PIK3CG: variants seen among roughly 807,000 people sequenced by gnomAD.
PIK3CG encodes phosphatidylinositol-4,5-bisphosphate 3-kinase catalytic subunit gamma.
PIK3CG carries 55 observed loss-of-function variants against 102.3 expected under a neutral mutation model. The ratio of observed to expected loss-of-function variants is 0.54; its 90% CI spans 0.43 to 0.67. The LOEUF is 0.67. Ranked by LOEUF, PIK3CG falls within the 30% of genes least tolerant of loss-of-function variation. The pLI is 0.00. For missense variants in PIK3CG, 1,258 were observed against 1,391.8 expected (o/e 0.90, Z 1.53); for synonymous variants, 552 against 540.0 (o/e 1.02, Z -0.31).
chr7:106,905,461 T>A lies in PIK3CG; in HGVS notation c.*74T>A, dbSNP rs2116620898. On this transcript the variant is annotated 3_prime_UTR_variant, in exon 11 of 11. Transcript: ENST00000496166. This position sits in a 1 kb window ranked among gnomAD's most constrained non-coding sequence, Gnocchi z 5.6. ...AGCATAGCAATCATCGAACTTGGATTTCAAATGCAATAGACATTGTGAAAG... is the reference window on the plus strand; with the variant it reads ...AGCATAGCAATCATCGAACTTGGATATCAAATGCAATAGACATTGTGAAAG... 7.3e-7 allele frequency: 1 copy of A among 1,378,912 alleles called. No homozygotes were observed. The highest frequency in any genetic ancestry group is 1.0e-6 in the Non-Finnish European group (1 of 999,156). The allele number at this position is 1,378,912 out of a possible 1,614,324, so 85.4% of individuals were successfully genotyped here.
chr7:106,885,219 G>A (rs960899459), intron 9 of PIK3CG, among the ~76,000 whole-genome samples: 2 of 152,134 alleles, frequency 1.3e-5, no homozygotes, highest in Non-Finnish European at 2.9e-5. Context: ...GGAGGAAGAG[G>A]CAGGAAATGA....
At position 106,906,706 on chromosome 7, in the gene PIK3CG, C is replaced by T. The variant is rs550594419; in HGVS notation, c.*1319C>T. 5 of 225,452 alleles carry T rather than the reference C, an allele frequency of 2.2e-5. No individual in the cohort carries two copies. In the East Asian group the frequency reaches 2.6e-4, roughly 12 times the overall value. 14.0% of individuals were successfully genotyped at this position (225,452 alleles called of 1,614,324 possible). ...ATTTTGTAATTACCTGTAGCTAATA[C>T]ATTACATAGAAAAAAACTATGTTAA... On this transcript the variant is annotated 3_prime_UTR_variant, in exon 11 of 11. Coordinates refer to ENST00000496166, the MANE Select transcript of PIK3CG (RefSeq NM_001282426.2).
At chr7:106,876,728 T>C (rs545336854) in intron 5 of PIK3CG, among the ~76,000 whole-genome samples, 11 of 152,290 alleles carry the variant, frequency 7.2e-5, no homozygotes, top group Non-Finnish European at 1.6e-4. Context: ...GAGTTACTTA[T>C]ATAAACTGGA....
Position 106,879,871 on chromosome 7 carries a change from C to T in PIK3CG, c.2538+206C>T, listed in dbSNP as rs1039884312. ...ATCTAATGAGCATTATGGTTCTGTC[C>T]AAGTTGCATATCTAACACTCCCAAG... On this transcript the variant is annotated intron_variant, in intron 6 of 10. Transcript: ENST00000496166. This position sits in a 1 kb window ranked among gnomAD's most constrained non-coding sequence, Gnocchi z 4.9. 5.3e-5 allele frequency among the ~76,000 whole-genome samples: 8 copies of T among 152,116 alleles called. No homozygotes were observed. The highest frequency in any genetic ancestry group is 1.9e-4 in the African/African-American group (8 of 41,416).
rs2116430439 is a variant in PIK3CG at position 106,868,092 on chromosome 7, C to G, written c.531C>G (p.Arg177=). 6.2e-7 allele frequency: 1 copy of G among 1,612,920 alleles called. No individual in the cohort carries two copies. Among genetic ancestry groups the G allele is most frequent in the South Asian group, 1.1e-5 (1 of 91,054 alleles). ...ACGACGATGAGCTGGAGTTCACGCG[C>G]CGTGGCTTGGTGACCCCGCGCATGG... The part of the protein sequence containing the change: ...NVHDDELEFT[R]RGLVTPRMAE... The change falls in exon 2 of 11, where the codon CGC becomes CGG. Residue 177 remains arginine (R), a synonymous_variant. Coordinates refer to ENST00000496166, the MANE Select transcript of PIK3CG (RefSeq NM_001282426.2). The surrounding 1 kb of genome is among the most constrained non-coding windows in gnomAD (Gnocchi z 6.2).
In PIK3CG at chr7:106,868,112, G is replaced by C. The variant is rs763939338; in HGVS notation, c.551G>C (p.Arg184Pro). The change falls in exon 2 of 11, where the codon CGC (arginine) becomes CCC (proline). Residue 184 changes from arginine (R) to proline (P), a missense_variant. This residue lies in a region of PIK3CG where 832 missense variants were observed against 787.5 expected (regional missense o/e 1.06). Coordinates refer to ENST00000496166, the MANE Select transcript of PIK3CG (RefSeq NM_001282426.2). The surrounding 1 kb of genome is among the most constrained non-coding windows in gnomAD (Gnocchi z 6.2). ...EFTRRGLVTP[R>P]MAEVASRDPK... ...ACGCGCCGTGGCTTGGTGACCCCGC[G>C]CATGGCGGAGGTGGCCAGCCGCGAC... 6.2e-7 allele frequency: 1 copy of C among 1,612,850 alleles called. No individual in the cohort carries two copies. Among genetic ancestry groups the C allele is most frequent in the African/African-American group, 1.3e-5 (1 of 74,914 alleles).
rs2116441682 is a variant in PIK3CG, at chr7:106,868,481, T to C, written c.920T>C (p.Leu307Pro). 1 of 1,613,940 alleles carries C rather than the reference T, an allele frequency of 6.2e-7. No homozygotes were observed. Among genetic ancestry groups the C allele is most frequent in the South Asian group, 1.1e-5 (1 of 91,086 alleles). ...LKNGEEIHVVLDTPPDPALDE... is the reference protein window; with the variant it reads ...LKNGEEIHVVPDTPPDPALDE... ...AACGGAGAAGAGATTCACGTGGTAC[T>C]GGACACGCCTCCAGACCCGGCCCTA... The change falls in exon 2 of 11, where the codon CTG (leucine) becomes CCG (proline). Residue 307 changes from leucine (L) to proline (P), a missense_variant. Coordinates refer to ENST00000496166, the MANE Select transcript of PIK3CG (RefSeq NM_001282426.2). The surrounding 1 kb of genome is among the most constrained non-coding windows in gnomAD (Gnocchi z 6.2).
In PIK3CG at chr7:106,872,995, A is replaced by G. The variant is rs1790591664; in HGVS notation, c.2287+57A>G. On this transcript the variant is annotated intron_variant, in intron 4 of 10. Transcript: ENST00000496166. This position sits in a 1 kb window ranked among gnomAD's most constrained non-coding sequence, Gnocchi z 5.3. The stretch of plus-strand genomic sequence containing the variant: ...CCAAATGCCTTCATCTCCAAATGCC[A>G]TTGTTCCTATAATTCTTTTTCTTCC... The G allele has an allele frequency of 4.2e-6, 5 of 1,204,212 alleles. No homozygotes were observed. The highest frequency in any genetic ancestry group is 2.3e-5 in the East Asian group (1 of 42,882). The allele number at this position is 1,204,212 out of a possible 1,614,324, so 74.6% of individuals were successfully genotyped here.
chr7:106,866,464 A>G (rs1423287579), intron 1 of PIK3CG, among the ~76,000 whole-genome samples: 1 of 152,184 alleles, frequency 6.6e-6, no homozygotes, highest in Non-Finnish European at 1.5e-5. Flanking sequence ...GGTTAATGAG[A>G]ATAAATTTGT....
Position 106,895,075 on chromosome 7 carries a change from A to G in PIK3CG, c.3030+8783A>G, listed in dbSNP as rs1030226958. 1.4e-4 allele frequency among the ~76,000 whole-genome samples: 21 copies of G among 152,240 alleles called. No homozygotes were observed. The highest frequency in any genetic ancestry group is 3.9e-4 in the African/African-American group (16 of 41,466). On this transcript the variant is annotated intron_variant, in intron 10 of 10. Transcript: ENST00000496166. This position sits in a 1 kb window ranked among gnomAD's most constrained non-coding sequence, Gnocchi z 5.4. ...CGTAGGCTCAATCTATTTATTAGCT[A>G]CTAATGGAGAATGTTCTAGCTAATG...
chr7:106,891,818 C>T lies in PIK3CG; in HGVS notation c.3030+5526C>T, dbSNP rs1242588889. On this transcript the variant is annotated intron_variant, in intron 10 of 10. Coordinates refer to ENST00000496166, the MANE Select transcript of PIK3CG (RefSeq NM_001282426.2). This position sits in a 1 kb window ranked among gnomAD's most constrained non-coding sequence, Gnocchi z 4.4. The stretch of plus-strand genomic sequence containing the variant: ...AATCTAGGATGACTGTGGAAATTTT[C>T]TTGCCAGTTTTATCAGGCCCACCCT... Among the ~76,000 whole-genome samples, 2 of 151,906 alleles carry T rather than the reference C, an allele frequency of 1.3e-5. No homozygotes were observed. The highest frequency in any genetic ancestry group is 2.4e-5 in the African/African-American group (1 of 41,358).
At position 106,867,901 on chromosome 7, in the gene PIK3CG, C is replaced by G. The variant is rs2116425133; in HGVS notation, c.340C>G (p.Gln114Glu). ...GQWYEIYDKY[Q>E]VVQTLDCLRY... ...GTGGTACGAGATCTACGACAAGTACCAGGTGGTGCAGACTCTGGACTGCCT... is the reference window on the plus strand; with the variant it reads ...GTGGTACGAGATCTACGACAAGTACGAGGTGGTGCAGACTCTGGACTGCCT... The change falls in exon 2 of 11, where the codon CAG (glutamine) becomes GAG (glutamate). Residue 114 changes from glutamine to glutamate, a missense_variant. Physicochemically the swap from Gln to Glu is conservative, Grantham distance 29 (BLOSUM62 2). Transcript: ENST00000496166. The surrounding 1 kb of genome is among the most constrained non-coding windows in gnomAD (Gnocchi z 5.1). The G allele has an allele frequency of 6.2e-7, 1 of 1,613,276 alleles. No homozygotes were observed. Among genetic ancestry groups the G allele is most frequent in the Non-Finnish European group, 8.5e-7 (1 of 1,179,974 alleles).
chr7:106,871,700 A>G (rs936521775), intron 2 of PIK3CG, among the ~76,000 whole-genome samples: 4 of 152,226 alleles, frequency 2.6e-5, no homozygotes, highest in Non-Finnish European at 5.9e-5. Context: ...AAAATTATGA[A>G]CTATTTCAAA....
intron 10 of PIK3CG, among the ~76,000 whole-genome samples, chr7:106,904,515 A>G (rs142383264): frequency 6.6e-6 from 1 of 152,320 alleles, no homozygotes; most frequent in East Asian, 1.9e-4. Flanking sequence ...TTGGGGGACC[A>G]TGAGCCATAG....
rs59813697 is a variant in PIK3CG at position 106,889,530 on chromosome 7, A to G, written c.3030+3238A>G. 2.8e-4 allele frequency among the ~76,000 whole-genome samples: 43 copies of G among 152,276 alleles called. 2 individuals carry two copies. In the South Asian group the frequency reaches 8.9e-3, roughly 32 times the overall value. ...TTTTAGGGAAGCTGGGAAATGTTGT[A>G]TACATTTGCATTTTGAATTAAAGGT... On this transcript the variant is annotated intron_variant, in intron 10 of 10. Transcript: ENST00000496166.
intron 10 of PIK3CG, among the ~76,000 whole-genome samples, chr7:106,887,921 T>C (rs1018389069): frequency 1.3e-5 from 2 of 149,596 alleles, no homozygotes; most frequent in Admixed American, 6.7e-5. Flanking sequence ...TTTGGCCTCA[T>C]TGACGACTCT....
In PIK3CG at chr7:106,869,563, G is replaced by A. The variant is rs1410023765; in HGVS notation, c.1995+7G>A. The A allele has an allele frequency of 5.0e-6, 8 of 1,584,458 alleles. No homozygotes were observed. The highest frequency in any genetic ancestry group is 2.6e-6 in the Non-Finnish European group (3 of 1,163,344). On this transcript the variant is annotated splice_region_variant and intron_variant, in intron 2 of 10. Transcript: ENST00000496166. The surrounding 1 kb of genome is among the most constrained non-coding windows in gnomAD (Gnocchi z 5.3). ...CCTTCTACAATTGGTCCAGGTAGGG[G>A]ATGTTGGTGTTATCAATGGAAGCCT...
chr7:106,906,075 C>G lies in PIK3CG; in HGVS notation c.*688C>G, dbSNP rs1410156253. 2 of 226,348 alleles carry G rather than the reference C, an allele frequency of 8.8e-6. No individual in the cohort carries two copies. Among genetic ancestry groups the G allele is most frequent in the Non-Finnish European group, 1.7e-5 (2 of 114,666 alleles). The allele number at this position is 226,348 out of a possible 1,614,324, so 14.0% of individuals were successfully genotyped here. A position where few individuals can be genotyped will look rare whatever the true frequency, so the allele number is the denominator to read the frequency against. On this transcript the variant is annotated 3_prime_UTR_variant, in exon 11 of 11. Coordinates refer to ENST00000496166, the MANE Select transcript of PIK3CG (RefSeq NM_001282426.2). ...AGAGATGAGACTTTTTGTGTCAACT[C>G]TGTCCACAAGAGTGAGTTATCTAGT...
intron 7 of PIK3CG, 116 bp from the exon 8 acceptor site, chr7:106,882,917 C>CA (rs552794683): frequency 0.26 from 105,156 of 409,994 alleles, 6,818 homozygotes; most frequent in African/African-American, 0.35. Flanking sequence ...GCTCTCTGGT[C>CA]AAAAAAAAAA....
Sources: gnomAD v4.1 joint callset for allele counts (sites outside exome capture counted in the v4.1 genomes callset) on GRCh38, gnomAD v4.1.1 for gene constraint, gnomAD v4.1.1 regional missense constraint, Gnocchi (gnomAD v3.1) non-coding constraint, MANE v1.5 for transcripts, NCBI Gene and HGNC (gene_info 2026-07-23, HGNC 2026-07-21) for gene names.